TECPR2: variants seen among roughly 807,000 people sequenced by gnomAD.
The protein encoded by TECPR2 is tectonin beta-propeller repeat-containing protein 2.
In TECPR2, 65 loss-of-function variants were observed where a neutral mutation model predicts 138.1. The ratio of observed to expected loss-of-function variants is 0.47; its 90% confidence interval spans 0.39 to 0.58. TECPR2 has a LOEUF of 0.58. TECPR2 is among the 20% of genes least tolerant of loss of function. The probability of loss-of-function intolerance (pLI) is 0.00; values close to 1 mark genes in which losing one functional copy is unlikely to be tolerated. For synonymous variants in TECPR2, 746 were observed against 749.8 expected (o/e 0.99, Z 0.08); for missense variants, 1,553 against 1,824.5 (o/e 0.85, Z 2.71).
In TECPR2 at chr14:102,414,713, G is replaced by A. The variant is rs769608751; in HGVS notation, c.558G>A (p.Leu186=). The change falls in exon 5 of 20, where the codon CTG becomes CTA. Residue 186 remains leucine, a synonymous_variant. Transcript: ENST00000359520. ...TGGATTATAGCCAGAAAGTGCTGCT[G>A]GTCTCTACTCTGCAAAGAAGTCTGC... The part of the protein sequence containing the change: ...VQLDYSQKVL[L]VSTLQRSLLF... 1 of 1,614,212 alleles carries A rather than the reference G, an allele frequency of 6.2e-7. No homozygotes were observed.
At chr14:102,480,542 C>T (rs1048864415) in intron 17 of TECPR2, among the ~76,000 whole-genome samples, 2 of 150,638 alleles carry the variant, frequency 1.3e-5, no homozygotes, top group Non-Finnish European at 3.0e-5. Context: ...ATTTTTGAGA[C>T]AGAGTCTCAG....
chr14:102,410,929 G>A (rs963668481), intron 4 of TECPR2, among the ~76,000 whole-genome samples: 2 of 152,304 alleles, frequency 1.3e-5, no homozygotes, highest in Non-Finnish European at 2.9e-5. Context: ...ATCTCCTTAG[G>A]CACTCTCTAA....
intron 17 of TECPR2, among the ~76,000 whole-genome samples, chr14:102,477,541 T>C (rs868741950): frequency 6.8e-6 from 1 of 147,512 alleles, no homozygotes; most frequent in Non-Finnish European, 1.5e-5. Flanking sequence ...AGCATACCCC[T>C]GTAGAGCTGG....
At chr14:102,403,735 T>A (rs1315954670) in intron 2 of TECPR2, among the ~76,000 whole-genome samples, 2 of 151,846 alleles carry the variant, frequency 1.3e-5, no homozygotes, top group Admixed American at 1.3e-4. Context: ...CAACAATGAA[T>A]AATATGAAAA....
At chr14:102,460,923 C>G (rs916852709) in intron 16 of TECPR2, among the ~76,000 whole-genome samples, 11 of 151,934 alleles carry the variant, frequency 7.2e-5, no homozygotes, top group Admixed American at 7.2e-4. Context: ...TCTCGATCTC[C>G]TGATCTTGTG....
chr14:102,413,205 A>T (rs967596095), intron 4 of TECPR2, among the ~76,000 whole-genome samples: 5 of 152,118 alleles, frequency 3.3e-5, no homozygotes, highest in African/African-American at 1.2e-4. Context: ...ATACCCAAAA[A>T]GGGACGAAAT....
intron 2 of TECPR2, among the ~76,000 whole-genome samples, chr14:102,394,920 C>G (rs1888274722): frequency 6.6e-6 from 1 of 152,138 alleles, no homozygotes; most frequent in African/African-American, 2.4e-5. Flanking sequence ...TGAAACACTC[C>G]CAGCGGCTTC....
intron 19 of TECPR2, 52 bp from the exon 20 acceptor site, chr14:102,498,051 A>G (rs1891338116): frequency 4.4e-6 from 7 of 1,585,276 alleles, no homozygotes; most frequent in Non-Finnish European, 6.0e-6. Context: ...ATCTGTGCCC[A>G]CCCCACAGGC....
Position 102,498,855 on chromosome 14 carries a change from G to A in TECPR2, c.*598G>A. 1.6e-6 allele frequency: 1 copy of A among 644,654 alleles called. No homozygotes were observed. The highest frequency in any genetic ancestry group is 2.9e-6 in the Non-Finnish European group (1 of 346,540). The allele number at this position is 644,654 out of a possible 1,614,324, so 39.9% of individuals were successfully genotyped here. ...ATGCCAGGAGAGAACCCACGCACAT[G>A]CACACCACAACACACAACACACCTC... On this transcript the variant is annotated 3_prime_UTR_variant, in exon 20 of 20. Coordinates refer to ENST00000359520, the MANE Select transcript of TECPR2 (RefSeq NM_014844.5).
chr14:102,432,326 A>G (rs1219675947), intron 8 of TECPR2, among the ~76,000 whole-genome samples, 198 bp downstream of exon 8: 2 of 144,474 alleles, frequency 1.4e-5, no homozygotes, highest in Non-Finnish European at 3.1e-5. Flanking sequence ...CACACACTGT[A>G]AGGTCTAAAT....
chr14:102,413,822 A>G (rs1888950384), intron 4 of TECPR2, among the ~76,000 whole-genome samples: 1 of 151,996 alleles, frequency 6.6e-6, no homozygotes, highest in Non-Finnish European at 1.5e-5. Flanking sequence ...TTTTAAAGAC[A>G]GAGTCTCACT....
chr14:102,488,846 G>T (rs1218124601), intron 17 of TECPR2, among the ~76,000 whole-genome samples: 1 of 150,854 alleles, frequency 6.6e-6, no homozygotes. Context: ...TTGCAATGTT[G>T]TGCAACCATT....
intron 17 of TECPR2, among the ~76,000 whole-genome samples, chr14:102,476,206 C>CAAAAAAAAAAAAAAA (rs58293049): frequency 1.7e-4 from 10 of 59,678 alleles, no homozygotes; most frequent in Admixed American, 2.5e-4. Context: ...GACTCTGTCT[C>CAAAAAAAAAAAAAAA]AAAAAAAAAA....
Position 102,408,532 on chromosome 14 carries a change from A to AG in TECPR2, c.394dup (p.Ala132GlyfsTer16), listed in dbSNP as rs1240375947. The AG allele has an allele frequency of 6.2e-7, 1 of 1,612,712 alleles. No homozygotes were observed. Among genetic ancestry groups the AG allele is most frequent in the African/African-American group, 1.3e-5 (1 of 74,862 alleles). ...CTGGTATTCACAAAAATAGCATTAC[A>AG]GCTCTGGCTTGGAGCCCCAATGGAA... On this transcript the variant is annotated frameshift_variant, in exon 4 of 20. Coordinates refer to ENST00000359520, the MANE Select transcript of TECPR2 (RefSeq NM_014844.5). LOFTEE classifies it high-confidence loss of function.
rs1036007328 is a variant in TECPR2, at chr14:102,499,907, G to T, written c.*1650G>T. The stretch of plus-strand genomic sequence containing the variant: ...GTCAAGATGCCGAAATCCCAGATCT[G>T]ACTTCACACTTCCCTTTTCTAGAAC... On this transcript the variant is annotated 3_prime_UTR_variant, in exon 20 of 20. Coordinates refer to ENST00000359520, the MANE Select transcript of TECPR2 (RefSeq NM_014844.5). The T allele has an allele frequency of 1.3e-5, 2 of 152,868 alleles. No individual in the cohort carries two copies. The highest frequency in any genetic ancestry group is 2.9e-5 in the Non-Finnish European group (2 of 68,326). The allele number at this position is 152,868 out of a possible 1,614,324, so 9.5% of individuals were successfully genotyped here.
At chr14:102,428,130 A>C in intron 6 of TECPR2, 120 bp from the exon 7 acceptor site, 1 of 1,276,660 alleles carries the variant, frequency 7.8e-7, no homozygotes, top group Non-Finnish European at 1.0e-6. Context: ...AAGTTACCAT[A>C]GTAAAGTGCA....
At chr14:102,496,698 T>A (rs1350326466) in intron 17 of TECPR2, among the ~76,000 whole-genome samples, 1 of 152,164 alleles carries the variant, frequency 6.6e-6, no homozygotes, top group Non-Finnish European at 1.5e-5. Context: ...CTCCACTCTC[T>A]GTTCACCTGG....
chr14:102,402,873 A>C (rs1463855273), intron 2 of TECPR2, among the ~76,000 whole-genome samples: 3 of 152,206 alleles, frequency 2.0e-5, no homozygotes, highest in Non-Finnish European at 4.4e-5. Flanking sequence ...ATCTATAATT[A>C]GTAAGAGGAT....
At chr14:102,465,372 A>C (rs1595140194) in intron 17 of TECPR2, 83 bp downstream of exon 17, 4 of 1,559,016 alleles carry the variant, frequency 2.6e-6, no homozygotes. Context: ...AAGGATCTGC[A>C]CAGCCTCTAG....
Sources: allele counts gnomAD v4.1 joint callset (sites outside exome capture counted in the v4.1 genomes callset), GRCh38; gene constraint gnomAD v4.1.1; transcripts MANE v1.5; gene names NCBI Gene and HGNC (gene_info 2026-07-23, HGNC 2026-07-21).